Variants in AHCYL1 observed in about 807,000 individuals in gnomAD.
AHCYL1 encodes the protein S-adenosylhomocysteine hydrolase-like protein 1.
Under a neutral mutation model 79.3 loss-of-function variants are expected in AHCYL1, and 20 were observed. That is an observed-to-expected ratio of 0.25 (90% CI 0.18 to 0.37). The LOEUF is 0.37. Among genes scored for constraint, AHCYL1 ranks in the 10% least tolerant of loss-of-function variants. The pLI is 1.00. For missense variants in AHCYL1, 330 were observed against 673.6 expected, an observed-to-expected ratio of 0.49 and a Z score of 5.65; for synonymous variants, 223 against 242.2, an observed-to-expected ratio of 0.92 and a Z score of 0.74.
chr1:110,000,290 C>CT (rs1650238990), intron 1 of AHCYL1, among the ~76,000 whole-genome samples: 1 of 152,280 alleles, frequency 6.6e-6, no homozygotes, highest in East Asian at 1.9e-4. Flanking sequence ...GAATTAATTT[C>CT]TTTTGTCCTA....
intron 9 of AHCYL1, among the ~76,000 whole-genome samples, chr1:110,016,975 T>G (rs1293764806): frequency 6.6e-6 from 1 of 152,220 alleles, no homozygotes. Context: ...CTTCCCCAAT[T>G]ATAACAATAA....
intron 9 of AHCYL1, 74 bp from the exon 10 acceptor site, chr1:110,017,421 C>A: frequency 7.0e-7 from 1 of 1,426,930 alleles, no homozygotes; most frequent in Non-Finnish European, 9.8e-7. Flanking sequence ...ATTCCTGTCT[C>A]ACAAATAACC....
chr1:110,021,074 A>G (rs1464646780), intron 16 of AHCYL1, among the ~76,000 whole-genome samples: 6 of 152,238 alleles, frequency 3.9e-5, no homozygotes, highest in Non-Finnish European at 7.3e-5. Context: ...CCTGGCCAAC[A>G]TGGCGAAACC....
At chr1:110,014,029 G>C (rs1341121620) in intron 5 of AHCYL1, among the ~76,000 whole-genome samples, 3 of 151,924 alleles carry the variant, frequency 2.0e-5, no homozygotes, top group African/African-American at 7.2e-5. Context: ...TCGAACTCCT[G>C]ACCTCAAGTG....
At chr1:110,000,982 C>T (rs961338420) in intron 1 of AHCYL1, 1 of 983,572 alleles carries the variant, frequency 1.0e-6, no homozygotes, top group Admixed American at 6.2e-5. Context: ...TGGTGTCCAC[C>T]CTACTAGTAA....
chr1:109,990,230 C>A (rs1369042215), intron 1 of AHCYL1, among the ~76,000 whole-genome samples: 3 of 152,212 alleles, frequency 2.0e-5, no homozygotes, highest in African/African-American at 7.2e-5. Context: ...AGTTGTGGGA[C>A]ATTCAACAAG....
Position 110,021,733 on chromosome 1 carries a change from A to G in AHCYL1, c.*53A>G. Reference sequence around the variant, plus strand: ...CCTGAACCACACACTCTAAAGAAATATTTTTTAAGATAACTTTTATTTTCT... The same window carrying G: ...CCTGAACCACACACTCTAAAGAAATGTTTTTTAAGATAACTTTTATTTTCT... On this transcript the variant is annotated 3_prime_UTR_variant, in exon 17 of 17. Transcript: ENST00000369799. 1.3e-6 allele frequency: 2 copies of G among 1,548,552 alleles called. No homozygotes were observed. Among genetic ancestry groups the G allele is most frequent in the South Asian group, 1.2e-5 (1 of 85,404 alleles).
At chr1:110,010,451 C>T (rs1355146656) in intron 2 of AHCYL1, among the ~76,000 whole-genome samples, 1 of 152,200 alleles carries the variant, frequency 6.6e-6, no homozygotes, top group Non-Finnish European at 1.5e-5. Flanking sequence ...TCTTGCATAT[C>T]TGTCAGATAA....
chr1:110,000,852 A>G lies in AHCYL1; in HGVS notation c.121-8182A>G, dbSNP rs1424051192. The G allele has an allele frequency of 7.4e-6, 5 of 673,114 alleles. No individual in the cohort carries two copies. The African/African-American group carries it at 9.8e-5, about 13-fold the overall frequency. 41.7% of individuals were successfully genotyped at this position (673,114 alleles called of 1,614,324 possible). ...TGTTCTGTTTTCTCATTTGTGAAGC[A>G]TAGATGCAACATTGAAAGGATTCTA... is the stretch of plus-strand genomic sequence containing the variant. On this transcript the variant is annotated intron_variant, in intron 1 of 16. Transcript: ENST00000369799.
chr1:110,005,741 A>G (rs1650606691), intron 1 of AHCYL1, among the ~76,000 whole-genome samples: 1 of 151,960 alleles, frequency 6.6e-6, no homozygotes, highest in Non-Finnish European at 1.5e-5. Flanking sequence ...TTATGAAAGT[A>G]AACTCAGCTT....
At position 110,009,163 on chromosome 1, in the gene AHCYL1, C is replaced by T; in HGVS notation, c.232+18C>T. 1 of 1,585,618 alleles carries T rather than the reference C, an allele frequency of 6.3e-7. No homozygotes were observed. The highest frequency in any genetic ancestry group is 8.7e-7 in the Non-Finnish European group (1 of 1,155,150). The stretch of plus-strand genomic sequence containing the variant: ...CAGTTCAGGTAGGTGTGAATGAACT[C>T]CATGTCCTCTCTAATCTCTCTTCCC... On this transcript the variant is annotated intron_variant, in intron 2 of 16. Transcript: ENST00000369799.
At chr1:110,005,938 T>C (rs1650623119) in intron 1 of AHCYL1, among the ~76,000 whole-genome samples, 1 of 147,122 alleles carries the variant, frequency 6.8e-6, no homozygotes, top group Non-Finnish European at 1.6e-5. Context: ...CCCCAAATTA[T>C]TCGTTTGGTA....
chr1:110,003,733 GTAGA>G (rs1186014676), intron 1 of AHCYL1, among the ~76,000 whole-genome samples: 2 of 152,180 alleles, frequency 1.3e-5, no homozygotes, highest in African/African-American at 4.8e-5. Context: ...TAGGTAGGTA[GTAGA>G]TAGCTAAATA....
intron 1 of AHCYL1, 121 bp downstream of exon 1, chr1:109,985,293 G>A: frequency 1.4e-6 from 2 of 1,420,086 alleles, no homozygotes; most frequent in African/African-American, 1.5e-5. Flanking sequence ...CGGAGGTGAT[G>A]TAGGGGGTGG....
Position 110,012,900 on chromosome 1 carries a change from T to C in AHCYL1, c.481T>C (p.Leu161=). 1 of 1,610,382 alleles carries C rather than the reference T, an allele frequency of 6.2e-7. No homozygotes were observed. Among genetic ancestry groups the C allele is most frequent in the Non-Finnish European group, 8.5e-7 (1 of 1,178,916 alleles). ...GTCTTCCTACACTTCTACACAGGTG[T>C]TGATTGAGACACTCTGTGCCCTGGG... ...CTHITAQTAV[L]IETLCALGAQ... The change falls in exon 5 of 17, where the codon TTG becomes CTG. Residue 161 remains leucine, a synonymous_variant. Transcript: ENST00000369799.
At chr1:109,998,196 C>T (rs761335940) in intron 1 of AHCYL1, among the ~76,000 whole-genome samples, 6 of 152,268 alleles carry the variant, frequency 3.9e-5, no homozygotes, top group Non-Finnish European at 7.4e-5. Context: ...TTTAAAATAA[C>T]CAAAAGAATT....
rs1336115678 is a variant in AHCYL1, at chr1:110,023,557, C to G, written c.*1877C>G. 1 of 151,518 alleles carries G rather than the reference C, an allele frequency of 6.6e-6. No individual in the cohort carries two copies. Among genetic ancestry groups the G allele is most frequent in the African/African-American group, 2.4e-5 (1 of 40,952 alleles). 9.4% of individuals were successfully genotyped at this position (151,518 alleles called of 1,614,324 possible). On this transcript the variant is annotated 3_prime_UTR_variant, in exon 17 of 17. Coordinates refer to ENST00000369799, the MANE Select transcript of AHCYL1 (RefSeq NM_006621.7). ...TAGGAATAATAGGTAAGGGCTCTGT[C>G]TCTGTCAAGCCATGTAACAAAGGAC...
At position 110,014,848 on chromosome 1, in the gene AHCYL1, G is replaced by A; in HGVS notation, c.666G>A (p.Gln222=). ...GCTGTGTGAACATGGATGGGTGGCA[G>A]GCCAACATGGTAATAATGCATATAC... ...IDRCVNMDGW[Q]ANMILDDGGD... The change falls in exon 6 of 17, where the codon CAG becomes CAA. Residue 222 remains glutamine, a synonymous_variant. Coordinates refer to ENST00000369799, the MANE Select transcript of AHCYL1 (RefSeq NM_006621.7). 1 of 1,613,976 alleles carries A rather than the reference G, an allele frequency of 6.2e-7. No homozygotes were observed. The highest frequency in any genetic ancestry group is 8.5e-7 in the Non-Finnish European group (1 of 1,179,856).
chr1:109,989,830 C>G (rs566322081), intron 1 of AHCYL1, among the ~76,000 whole-genome samples: 1 of 152,298 alleles, frequency 6.6e-6, no homozygotes, highest in South Asian at 2.1e-4. Flanking sequence ...AGAACACATG[C>G]TAATGAGGTG....
Sources: allele counts gnomAD v4.1 joint callset (sites outside exome capture counted in the v4.1 genomes callset), GRCh38; gene constraint gnomAD v4.1.1; transcripts MANE v1.5; gene names NCBI Gene and HGNC (gene_info 2026-07-23, HGNC 2026-07-21).